Variants in TENM2 observed in about 807,000 individuals in gnomAD.
TENM2 encodes teneurin-2.
TENM2 carries 52 observed loss-of-function variants against 245.2 expected under a neutral mutation model. The observed-to-expected ratio is 0.21, with a 90% CI of 0.17 to 0.27. TENM2 has a LOEUF of 0.27. TENM2 is among the 10% of genes least tolerant of loss of function. TENM2 has a pLI of 1.00. For missense variants in TENM2, 3,046 were observed against 3,666.8 expected (o/e 0.83, Z 4.37); for synonymous variants, 1,363 against 1,438.9 (o/e 0.95, Z 1.19).
rs142533503 is a variant in TENM2, at chr5:167,347,472, C to T, written c.227-27726C>T. ...CAAATATTTTCATTGGCATAGAAAACACATCAGATTTATTACCAAGGAAAT... is the reference window on the plus strand; with the variant it reads ...CAAATATTTTCATTGGCATAGAAAATACATCAGATTTATTACCAAGGAAAT... On this transcript the variant is annotated intron_variant, in intron 1 of 28. Coordinates refer to ENST00000518659, the Ensembl canonical transcript of TENM2. 1.4e-4 allele frequency among the ~76,000 whole-genome samples: 22 copies of T among 152,258 alleles called. No homozygotes were observed. In the East Asian group the frequency reaches 4.1e-3, roughly 28 times the overall value.
At chr5:166,979,187 A>AG in the TENM2 span, among the ~76,000 whole-genome samples, 84 of 123,474 alleles carry the variant, frequency 6.8e-4, 1 homozygote, top group East Asian at 2.8e-3. Context: ...CAGCAGCAGC[A>AG]CCACCACCAG....
At position 168,133,128 on chromosome 5, in the gene TENM2, G is replaced by A. The variant is rs139737029; in HGVS notation, c.2422+6162G>A. Among the ~76,000 whole-genome samples, 295 of 152,186 alleles carry A rather than the reference G, an allele frequency of 1.9e-3. No individual in the cohort carries two copies. In the Middle Eastern group the frequency reaches 0.021, roughly 11 times the overall value. ...GTTGGATCACATCATTGCCTTCCAG[G>A]GCATGATACACAAACTTGAGATGCT... is the stretch of plus-strand genomic sequence containing the variant. On this transcript the variant is annotated intron_variant, in intron 12 of 28. Transcript: ENST00000518659.
chr5:167,583,473 TAC>T (rs10682735), intron 2 of TENM2, among the ~76,000 whole-genome samples: 2,313 of 137,500 alleles, frequency 0.017, 61 homozygotes, highest in African/African-American at 0.056. Flanking sequence ...TGAGTATATG[TAC>T]ACACACACAC....
intron 2 of TENM2, among the ~76,000 whole-genome samples, chr5:167,487,757 C>T (rs1208842550): frequency 6.6e-6 from 1 of 152,148 alleles, no homozygotes; most frequent in Non-Finnish European, 1.5e-5. Context: ...GGATCATTTC[C>T]TAGTATTGTC....
the TENM2 span, among the ~76,000 whole-genome samples, chr5:167,109,900 A>G: frequency 2.0e-5 from 3 of 152,354 alleles, no homozygotes; most frequent in Non-Finnish European, 4.4e-5. Flanking sequence ...TTTGGCTGGA[A>G]GAATATTTGA....
At chr5:167,605,210 T>G (rs1776944074) in intron 2 of TENM2, among the ~76,000 whole-genome samples, 1 of 152,176 alleles carries the variant, frequency 6.6e-6, no homozygotes, top group Non-Finnish European at 1.5e-5. Flanking sequence ...GAACGTACGA[T>G]TCTATGTTCA....
intron 28 of TENM2, among the ~76,000 whole-genome samples, chr5:168,261,531 G>A (rs1389214523): frequency 6.6e-6 from 1 of 152,242 alleles, no homozygotes. Flanking sequence ...TATACTTTGA[G>A]TGGCAAGGTC....
intron 1 of TENM2, among the ~76,000 whole-genome samples, chr5:167,323,867 C>G (rs765544288): frequency 1.4e-4 from 21 of 152,110 alleles, no homozygotes; most frequent in African/African-American, 4.1e-4. Flanking sequence ...GAGAAATGTA[C>G]GAAGTCAGAA....
chr5:167,592,353 A>G (rs1775934040), intron 2 of TENM2, among the ~76,000 whole-genome samples: 1 of 152,186 alleles, frequency 6.6e-6, no homozygotes, highest in Non-Finnish European at 1.5e-5. Flanking sequence ...GCCCCAGCTC[A>G]GCAAGAGCGG....
chr5:167,672,625 A>G (rs552649928), intron 2 of TENM2, among the ~76,000 whole-genome samples: 4 of 152,258 alleles, frequency 2.6e-5, no homozygotes, highest in South Asian at 2.1e-4. Context: ...TGGCATTGCA[A>G]TATATTCCAC....
chr5:168,176,512 A>G (rs1053538103), intron 13 of TENM2, among the ~76,000 whole-genome samples: 1 of 152,112 alleles, frequency 6.6e-6, no homozygotes, highest in African/African-American at 2.4e-5. Flanking sequence ...CACGAACATC[A>G]CTTCTTTAGA....
intron 5 of TENM2, among the ~76,000 whole-genome samples, chr5:168,034,500 GA>G (rs1289989524): frequency 6.6e-6 from 1 of 152,026 alleles, no homozygotes. Flanking sequence ...TGAAGGCTGT[GA>G]TGGAAGGATC....
intron 13 of TENM2, among the ~76,000 whole-genome samples, chr5:168,166,518 G>A (rs934818359): frequency 2.0e-5 from 3 of 152,134 alleles, no homozygotes; most frequent in Non-Finnish European, 4.4e-5. Context: ...TAGTAGTTCT[G>A]AAACTTCAGC....
In TENM2 at chr5:167,347,544, A is replaced by G. The variant is rs1758544192; in HGVS notation, c.227-27654A>G. On this transcript the variant is annotated intron_variant, in intron 1 of 28. Transcript: ENST00000518659. ...TCATCTGCCATGTCCCAGCTACTTT[A>G]CTAGGTACTAGGGTTGCAGTGGTGA... Among the ~76,000 whole-genome samples, 3 of 152,216 alleles carry G rather than the reference A, an allele frequency of 2.0e-5. No homozygotes were observed. The South Asian group carries it at 6.2e-4, about 31-fold the overall frequency.
At chr5:167,883,254 G>A (rs534229668) in intron 3 of TENM2, among the ~76,000 whole-genome samples, 1 of 152,294 alleles carries the variant, frequency 6.6e-6, no homozygotes, top group African/African-American at 2.4e-5. Context: ...CAATAATTGG[G>A]AACAAATAGT....
chr5:167,776,948 A>G (rs1464336250), intron 2 of TENM2, among the ~76,000 whole-genome samples: 1 of 152,238 alleles, frequency 6.6e-6, no homozygotes, highest in Non-Finnish European at 1.5e-5. Context: ...AATGTTTTTC[A>G]AAAGACTGAA....
intron 2 of TENM2, among the ~76,000 whole-genome samples, chr5:167,663,810 A>G (rs998973183): frequency 6.6e-6 from 1 of 151,934 alleles, no homozygotes; most frequent in African/African-American, 2.4e-5. Context: ...TTTCTATTTC[A>G]TGATTTTATT....
intron 13 of TENM2, chr5:168,186,181 G>A (rs1581573188): frequency 6.6e-6 from 1 of 151,918 alleles, no homozygotes; most frequent in South Asian, 2.1e-4. Flanking sequence ...GATTCCAGAG[G>A]CCAGGCTGTC....
intron 2 of TENM2, among the ~76,000 whole-genome samples, chr5:167,496,955 A>T (rs1052298176): frequency 2.6e-5 from 4 of 152,118 alleles, no homozygotes; most frequent in African/African-American, 9.7e-5. Context: ...AGATTCTATC[A>T]AAAGTATTTG....
Sources: allele counts gnomAD v4.1 joint callset (sites outside exome capture counted in the v4.1 genomes callset), GRCh38; gene constraint gnomAD v4.1.1; transcripts MANE v1.5; gene names NCBI Gene and HGNC (gene_info 2026-07-23, HGNC 2026-07-21).